SND1: variants seen among roughly 807,000 people sequenced by gnomAD.
SND1 encodes staphylococcal nuclease domain-containing protein 1.
A neutral mutation model predicts 121.7 loss-of-function variants in SND1; 38 were observed. That is an observed-to-expected ratio of 0.31 (90% CI 0.24 to 0.41). The LOEUF is 0.41. Ranked by LOEUF, SND1 falls within the 10% of genes least tolerant of loss-of-function variation. The pLI is 1.00. For missense variants in SND1, 868 were observed against 1,184.6 expected, an observed-to-expected ratio of 0.73 and a Z score of 3.92; for synonymous variants, 401 against 447.4, an observed-to-expected ratio of 0.90 and a Z score of 1.31.
chr7:128,075,810 C>A lies in SND1; in HGVS notation c.1968+1120C>A, dbSNP rs575046906. On this transcript the variant is annotated intron_variant, in intron 17 of 23. Transcript: ENST00000354725. ...ACCTCCTGCTCACATCAAGCCTCCT[C>A]CTCCCAGAATGAGGGGGAAGCAGGC... 5.9e-5 allele frequency among the ~76,000 whole-genome samples: 9 copies of A among 152,344 alleles called. No homozygotes were observed. The South Asian group carries it at 1.9e-3, about 32-fold the overall frequency.
At chr7:128,031,362 C>G (rs1233264107) in intron 16 of SND1, 1 of 151,790 alleles carries the variant, frequency 6.6e-6, no homozygotes, top group Non-Finnish European at 1.5e-5. Context: ...CGAAGCCGCC[C>G]AGGCCGCACT....
At chr7:127,833,931 A>G (rs1163299077) in intron 11 of SND1, among the ~76,000 whole-genome samples, 1 of 151,944 alleles carries the variant, frequency 6.6e-6, no homozygotes, top group Non-Finnish European at 1.5e-5. Context: ...TAGGTACCTT[A>G]TTTAAATGGA....
intron 15 of SND1, among the ~76,000 whole-genome samples, chr7:127,958,818 G>C (rs1391308345): frequency 6.6e-6 from 1 of 152,100 alleles, no homozygotes; most frequent in Non-Finnish European, 1.5e-5. Flanking sequence ...GGAGGCATTA[G>C]GTATGAGTAC....
At chr7:127,715,056 G>A (rs760220775) in intron 9 of SND1, among the ~76,000 whole-genome samples, 2 of 152,138 alleles carry the variant, frequency 1.3e-5, no homozygotes, top group Non-Finnish European at 2.9e-5. Flanking sequence ...GTATTTTTAA[G>A]TTGTTGAGGG....
chr7:127,837,061 A>G (rs1798880356), intron 11 of SND1, among the ~76,000 whole-genome samples: 1 of 152,200 alleles, frequency 6.6e-6, no homozygotes, highest in Non-Finnish European at 1.5e-5. Flanking sequence ...AAGGCTAAAT[A>G]TTTTATTTTT....
chr7:127,901,726 C>T (rs1315643245), intron 13 of SND1, among the ~76,000 whole-genome samples: 1 of 152,196 alleles, frequency 6.6e-6, no homozygotes, highest in East Asian at 1.9e-4. Flanking sequence ...TCTCAGTTTA[C>T]ATATGCTGGT....
intron 10 of SND1, among the ~76,000 whole-genome samples, chr7:127,801,904 C>T (rs1173069983): frequency 6.6e-6 from 1 of 152,000 alleles, no homozygotes; most frequent in Admixed American, 6.6e-5. Flanking sequence ...TGCAGTGGCG[C>T]GATCTCAGCT....
chr7:128,039,891 C>A (rs1011565300), intron 16 of SND1, among the ~76,000 whole-genome samples: 4 of 152,170 alleles, frequency 2.6e-5, no homozygotes, highest in African/African-American at 7.2e-5. Flanking sequence ...GCCCCATTAC[C>A]TCGCTTTATG....
At chr7:127,795,207 C>T (rs1296248459) in intron 10 of SND1, among the ~76,000 whole-genome samples, 2 of 152,198 alleles carry the variant, frequency 1.3e-5, no homozygotes, top group Non-Finnish European at 2.9e-5. Flanking sequence ...TCTACTTGCT[C>T]ATTTAAACAG....
At chr7:128,006,354 A>G (rs755036904) in intron 16 of SND1, among the ~76,000 whole-genome samples, 4 of 152,100 alleles carry the variant, frequency 2.6e-5, no homozygotes, top group Non-Finnish European at 4.4e-5. Flanking sequence ...GACCAGCCTC[A>G]CTGGGAACAG....
chr7:127,885,218 CAATG>C (rs1799873635), intron 12 of SND1, among the ~76,000 whole-genome samples: 1 of 152,112 alleles, frequency 6.6e-6, no homozygotes, highest in African/African-American at 2.4e-5. Context: ...GGAAGATAAA[CAATG>C]AATGAATAAT....
At chr7:128,088,912 G>A (rs999066454) in intron 21 of SND1, among the ~76,000 whole-genome samples, 7 of 152,156 alleles carry the variant, frequency 4.6e-5, no homozygotes, top group African/African-American at 1.7e-4. Flanking sequence ...ACACAGGGCA[G>A]GTGGGTGGGA....
At chr7:127,833,596 C>G (rs932429167) in intron 11 of SND1, among the ~76,000 whole-genome samples, 8 of 152,022 alleles carry the variant, frequency 5.3e-5, no homozygotes, top group Admixed American at 5.2e-4. Context: ...CCAGTAGATT[C>G]AGGAGTTAGC....
chr7:127,854,014 A>C (rs548567089), intron 12 of SND1, among the ~76,000 whole-genome samples: 5 of 152,186 alleles, frequency 3.3e-5, no homozygotes, highest in African/African-American at 9.6e-5. Flanking sequence ...CTATTTCTCC[A>C]CTAGTCTGAC....
At chr7:127,800,221 T>C (rs2116561772) in intron 10 of SND1, among the ~76,000 whole-genome samples, 1 of 152,366 alleles carries the variant, frequency 6.6e-6, no homozygotes, top group South Asian at 2.1e-4. Flanking sequence ...GTCCATTATT[T>C]ACTGTTTGAA....
chr7:128,024,064 C>CTGTGTG (rs3837141), intron 16 of SND1, among the ~76,000 whole-genome samples: 235 of 149,048 alleles, frequency 1.6e-3, no homozygotes, highest in Non-Finnish European at 2.4e-3. Flanking sequence ...TGCTATATTG[C>CTGTGTG]TGTGTGTGTG....
chr7:127,694,846 C>G lies in SND1; in HGVS notation c.247C>G (p.Arg83Gly). The G allele has an allele frequency of 6.2e-7, 1 of 1,613,888 alleles. No homozygotes were observed. The highest frequency in any genetic ancestry group is 8.5e-7 in the Non-Finnish European group (1 of 1,179,898). ...TPDEPWAFPAREFLRKKLIGK... is the reference protein window; with the variant it reads ...TPDEPWAFPAGEFLRKKLIGK... ...CTTTCAGCCCTGGGCATTTCCAGCT[C>G]GAGAGTTCCTTCGAAAGAAGCTGAT... Residue 83 changes from arginine to glycine, a missense_variant, in exon 3 of 24, where the codon CGA becomes GGA. Physicochemically the swap from Arg to Gly is moderately radical, Grantham distance 125. Around this residue, in one of 2 missense-constraint regions of SND1, gnomAD observed 743 missense variants for 1,071.3 expected, o/e 0.69. Coordinates refer to ENST00000354725, the MANE Select transcript of SND1 (RefSeq NM_014390.4).
At chr7:127,977,203 A>C (rs1191129559) in intron 15 of SND1, among the ~76,000 whole-genome samples, 1 of 152,222 alleles carries the variant, frequency 6.6e-6, no homozygotes, top group Admixed American at 6.5e-5. Context: ...TAATTAAATC[A>C]ACTAGAAAGA....
At chr7:127,972,238 G>C (rs1802009134) in intron 15 of SND1, among the ~76,000 whole-genome samples, 1 of 151,992 alleles carries the variant, frequency 6.6e-6, no homozygotes, top group South Asian at 2.1e-4. Flanking sequence ...CTAGTTTTTA[G>C]GTTTTTTGCA....
Sources: gnomAD v4.1 joint callset for allele counts (sites outside exome capture counted in the v4.1 genomes callset) on GRCh38, gnomAD v4.1.1 for gene constraint, gnomAD v4.1.1 regional missense constraint, MANE v1.5 for transcripts, NCBI Gene and HGNC (gene_info 2026-07-23, HGNC 2026-07-21) for gene names.